ODAD2: variants seen among roughly 807,000 people sequenced by gnomAD.
The protein encoded by ODAD2 is outer dynein arm-docking complex subunit 2.
In ODAD2, 89 loss-of-function variants were observed where a neutral mutation model predicts 106.8. The observed-to-expected ratio is 0.83, with a 90% CI of 0.70 to 0.99. ODAD2 has a LOEUF of 0.99. Among genes scored for constraint, ODAD2 ranks in the 50% least tolerant of loss-of-function variants. The pLI, the probability that ODAD2 is intolerant of heterozygous loss-of-function variation, is 0.00. For synonymous variants in ODAD2, 404 were observed against 436.2 expected, an observed-to-expected ratio of 0.93 and a Z score of 0.92; for missense variants, 1,168 against 1,238.5, an observed-to-expected ratio of 0.94 and a Z score of 0.85.
rs889010974 is a variant in ODAD2 at position 27,921,838 on chromosome 10, T to G, written c.2495+13172A>C. Among the ~76,000 whole-genome samples, 167 of 151,662 alleles carry G rather than the reference T, an allele frequency of 1.1e-3. 2 individuals carry two copies. The highest frequency in any genetic ancestry group is 1.4e-3 in the Non-Finnish European group (98 of 67,866). The stretch of plus-strand genomic sequence containing the variant: ...GCAAGGCAATAGAGCAGTATTTTAT[T>G]TTTTTTTTTGTAATTTAATGAAAGA... On this transcript the variant is annotated intron_variant, in intron 16 of 19. Transcript: ENST00000305242.
At chr10:27,906,918 C>T (rs565558792) in intron 17 of ODAD2, among the ~76,000 whole-genome samples, 129 of 152,022 alleles carry the variant, frequency 8.5e-4, no homozygotes, top group African/African-American at 3.1e-3. Flanking sequence ...ATGTAGATGA[C>T]GGGTTGATGG....
At chr10:27,824,145 A>G (rs1314747751) in intron 19 of ODAD2, among the ~76,000 whole-genome samples, 2 of 147,384 alleles carry the variant, frequency 1.4e-5, no homozygotes, top group Non-Finnish European at 3.0e-5. Flanking sequence ...TCTCAAAAAA[A>G]AAAAAAAAAA....
At chr10:27,874,497 T>C (rs1349746725) in intron 17 of ODAD2, among the ~76,000 whole-genome samples, 1 of 152,218 alleles carries the variant, frequency 6.6e-6, no homozygotes, top group African/African-American at 2.4e-5. Flanking sequence ...TGGTACCAGC[T>C]GTTCCTTTCC....
intron 10 of ODAD2, 62 bp downstream of exon 10, chr10:27,961,506 T>C (rs1848137974): frequency 1.4e-6 from 2 of 1,457,534 alleles, no homozygotes; most frequent in South Asian, 2.6e-5. Context: ...AAGCAGCATA[T>C]ACATCTTTGG....
intron 19 of ODAD2, among the ~76,000 whole-genome samples, chr10:27,837,431 C>T (rs944253862): frequency 6.6e-6 from 1 of 152,122 alleles, no homozygotes; most frequent in Non-Finnish European, 1.5e-5. Context: ...AGAAAAAATA[C>T]CTTAGAAACT....
intron 16 of ODAD2, among the ~76,000 whole-genome samples, chr10:27,928,513 C>G (rs1486747923): frequency 6.6e-6 from 1 of 152,096 alleles, no homozygotes; most frequent in Admixed American, 6.6e-5. Flanking sequence ...ATTAGCATGA[C>G]ACACAAAGAC....
At chr10:27,995,300 G>A in intron 1 of ODAD2, 120 bp from the exon 2 acceptor site, 1 of 1,144,442 alleles carries the variant, frequency 8.7e-7, no homozygotes, top group South Asian at 1.7e-5. Context: ...AATCTTGGAA[G>A]ATTCTTTTAA....
chr10:27,969,903 T>C (rs113911654), intron 8 of ODAD2, among the ~76,000 whole-genome samples: 1 of 152,044 alleles, frequency 6.6e-6, no homozygotes, highest in Non-Finnish European at 1.5e-5. Context: ...CTCAGGAGTT[T>C]GAGACTAGCC....
chr10:27,850,076 A>T (rs777324730), intron 19 of ODAD2, among the ~76,000 whole-genome samples: 1 of 152,206 alleles, frequency 6.6e-6, no homozygotes, highest in South Asian at 2.1e-4. Context: ...ATGTCACATC[A>T]TATATTGATG....
chr10:27,936,825 G>T lies in ODAD2; in HGVS notation c.2153C>A (p.Pro718His), dbSNP rs1443741340. ...DLVRLHGGLK[P>H]LASLLNNTDN... ...AGTGTTATTGAGTAGACTGGCCAAG[G>T]GCTTAAGTCCTCCGTGCAGCCTAAC... Residue 718 changes from proline (P) to histidine (H), a missense_variant, in exon 15 of 20, where the codon CCC becomes CAC. Physicochemically the swap from Pro to His is moderately conservative, Grantham distance 77. Transcript: ENST00000305242. 2 of 1,613,890 alleles carry T rather than the reference G, an allele frequency of 1.2e-6. No individual in the cohort carries two copies. The highest frequency in any genetic ancestry group is 1.7e-6 in the Non-Finnish European group (2 of 1,179,914).
At chr10:27,845,353 T>C (rs972491136) in intron 19 of ODAD2, among the ~76,000 whole-genome samples, 11 of 152,112 alleles carry the variant, frequency 7.2e-5, no homozygotes, top group African/African-American at 2.7e-4. Context: ...ATAAAATCCT[T>C]TACAGATAAG....
chr10:27,924,695 T>C (rs948064683), intron 16 of ODAD2, among the ~76,000 whole-genome samples: 8 of 129,576 alleles, frequency 6.2e-5, no homozygotes, highest in African/African-American at 1.8e-4. Flanking sequence ...AAAATAACCA[T>C]TGAACCAGGA....
In ODAD2 at chr10:27,863,373, G is replaced by A. The variant is rs547011573; in HGVS notation, c.2611-751C>T. 3.3e-5 allele frequency among the ~76,000 whole-genome samples: 5 copies of A among 152,292 alleles called. No individual in the cohort carries two copies. In the South Asian group the frequency reaches 1.0e-3, roughly 32 times the overall value. On this transcript the variant is annotated intron_variant, in intron 17 of 19. Transcript: ENST00000305242. Reference sequence around the variant, plus strand: ...AAATGGACACTTGCTTACAGTATGAGAAATGAAACAAGAAGGCAGAGAATC... The same window carrying A: ...AAATGGACACTTGCTTACAGTATGAAAAATGAAACAAGAAGGCAGAGAATC...
At position 27,971,015 on chromosome 10, in the gene ODAD2, CAAACAAAAT is replaced by C. The variant is rs1214718026; in HGVS notation, c.1142+84_1142+92del. The C allele has an allele frequency of 1.2e-3, 397 of 342,920 alleles. 4 individuals are homozygous for C. The East Asian group carries it at 0.017, about 15-fold the overall frequency. The allele number at this position is 342,920 out of a possible 1,614,324, so 21.2% of individuals were successfully genotyped here. On this transcript the variant is annotated intron_variant, in intron 8 of 19. Coordinates refer to ENST00000305242, the MANE Select transcript of ODAD2 (RefSeq NM_018076.5). The stretch of plus-strand genomic sequence containing the variant: ...ATAAATAAATAAATAAATAAACAAA[CAAACAAAAT>C]AAAATAAAATAAAGTTCTGTGAAAA...
rs1195299056 is a variant in ODAD2, at chr10:27,812,525, GC to G, written c.3121del (p.Ala1041GlnfsTer7). ...TCCATTTAAATTTCAAGTGTATCTT[GC>G]CTTCTCTGTAGCAAGAGCCAGCCTG... is the stretch of plus-strand genomic sequence containing the variant. ...IRRLALATEK[A>X]RYT On this transcript the variant is annotated frameshift_variant, in exon 20 of 20. Transcript: ENST00000305242. LOFTEE classifies it high-confidence loss of function. The G allele has an allele frequency of 6.8e-6, 11 of 1,613,032 alleles. No homozygotes were observed. The highest frequency in any genetic ancestry group is 1.6e-4 in the Middle Eastern group (1 of 6,078).
At chr10:27,938,957 A>G (rs1193135203) in intron 14 of ODAD2, among the ~76,000 whole-genome samples, 1 of 152,106 alleles carries the variant, frequency 6.6e-6, no homozygotes, top group Non-Finnish European at 1.5e-5. Context: ...GCATTCCTCT[A>G]GCAAACCTAC....
intron 16 of ODAD2, among the ~76,000 whole-genome samples, chr10:27,913,776 C>T (rs947094209): frequency 2.0e-5 from 3 of 152,082 alleles, no homozygotes; most frequent in Non-Finnish European, 2.9e-5. Context: ...ATCAAAACCA[C>T]AAGAAGATAC....
At chr10:27,906,525 G>A (rs893258400) in intron 17 of ODAD2, among the ~76,000 whole-genome samples, 2 of 152,134 alleles carry the variant, frequency 1.3e-5, no homozygotes, top group African/African-American at 4.8e-5. Context: ...ATACCCAAAG[G>A]ATTATAAATC....
intron 7 of ODAD2, among the ~76,000 whole-genome samples, chr10:27,976,305 G>A (rs1849184970): frequency 6.6e-6 from 1 of 151,958 alleles, no homozygotes; most frequent in South Asian, 2.1e-4. Context: ...AAATTAGGAA[G>A]GAAGAAATAA....
Sources: gnomAD v4.1 joint callset for allele counts (sites outside exome capture counted in the v4.1 genomes callset) on GRCh38, gnomAD v4.1.1 for gene constraint, MANE v1.5 for transcripts, NCBI Gene and HGNC (gene_info 2026-07-23, HGNC 2026-07-21) for gene names.